SLC2A13: variants seen among roughly 807,000 people sequenced by gnomAD.
SLC2A13 encodes the protein proton myo-inositol cotransporter.
In SLC2A13, 32 loss-of-function variants were observed where a neutral mutation model predicts 64.4. The observed-to-expected ratio is 0.50, with a 90% confidence interval of 0.37 to 0.67. SLC2A13 has a LOEUF of 0.67. SLC2A13 is among the 30% of genes least tolerant of loss of function. The pLI is 0.00. For synonymous variants in SLC2A13, 338 were observed against 327.1 expected, an observed-to-expected ratio of 1.03 and a Z score of -0.36; for missense variants, 743 against 829.2, an observed-to-expected ratio of 0.90 and a Z score of 1.28.
chr12:40,027,416 A>G (rs1947832082), intron 3 of SLC2A13, among the ~76,000 whole-genome samples: 1 of 152,224 alleles, frequency 6.6e-6, no homozygotes, highest in South Asian at 2.1e-4. Flanking sequence ...ACAGGTAGGT[A>G]AAGTTAAATC....
intron 2 of SLC2A13, among the ~76,000 whole-genome samples, chr12:40,044,743 G>A (rs17458156): frequency 0.07 from 10,697 of 152,120 alleles, 699 homozygotes; most frequent in East Asian, 0.38. Context: ...GACCCATCTG[G>A]CATAAAAGGT....
intron 4 of SLC2A13, among the ~76,000 whole-genome samples, chr12:39,935,716 A>T (rs1945906646): frequency 6.6e-6 from 1 of 152,182 alleles, no homozygotes; most frequent in African/African-American, 2.4e-5. Context: ...GGGAGATGAC[A>T]TGTGACCTAA....
At chr12:39,763,810 C>G (rs1444909354) in intron 9 of SLC2A13, among the ~76,000 whole-genome samples, 1 of 152,080 alleles carries the variant, frequency 6.6e-6, no homozygotes. Context: ...AAGTCTTTTC[C>G]TGACTCAGCC....
In SLC2A13 at chr12:40,048,060, T is replaced by A; in HGVS notation, c.707A>T (p.Asp236Val). The A allele has an allele frequency of 6.3e-7, 1 of 1,598,858 alleles. No homozygotes were observed. The highest frequency in any genetic ancestry group is 1.1e-5 in the South Asian group (1 of 87,192). Reference protein sequence around the residue: ...VDGAFSYLQKDGWRYMLGLAA... With the variant: ...VDGAFSYLQKVGWRYMLGLAA... Reference sequence around the variant, plus strand: ...AAAAGTATTTACAAACCTCCATCCATCCTTCTGGAGATAACTGAAGGCTCC... The same window carrying A: ...AAAAGTATTTACAAACCTCCATCCAACCTTCTGGAGATAACTGAAGGCTCC... Residue 236 changes from aspartate (D) to valine (V), a missense_variant, in exon 2 of 10, where the codon GAT (aspartate) becomes GTT (valine). Around this residue, in one of 2 missense-constraint regions of SLC2A13, gnomAD observed 448 missense variants for 447.4 expected, o/e 1.00. Coordinates refer to ENST00000280871, the MANE Select transcript of SLC2A13 (RefSeq NM_052885.4).
chr12:39,966,070 A>T (rs1946507097), intron 3 of SLC2A13, among the ~76,000 whole-genome samples: 1 of 151,666 alleles, frequency 6.6e-6, no homozygotes, highest in Non-Finnish European at 1.5e-5. Flanking sequence ...TATATGATAC[A>T]CACACATATA....
chr12:39,899,584 T>A (rs1230089067), intron 4 of SLC2A13, among the ~76,000 whole-genome samples: 1 of 152,194 alleles, frequency 6.6e-6, no homozygotes, highest in Admixed American at 6.6e-5. Context: ...GGGTGTCAAT[T>A]TTGGATCTTT....
At chr12:39,976,734 G>A (rs1292618705) in intron 3 of SLC2A13, among the ~76,000 whole-genome samples, 1 of 151,994 alleles carries the variant, frequency 6.6e-6, no homozygotes, top group Non-Finnish European at 1.5e-5. Flanking sequence ...TGTCATTTTT[G>A]TGTGTGTGGA....
chr12:40,020,498 T>C (rs1053345936), intron 3 of SLC2A13, among the ~76,000 whole-genome samples: 1 of 152,190 alleles, frequency 6.6e-6, no homozygotes, highest in Non-Finnish European at 1.5e-5. Flanking sequence ...CATGCAGAAT[T>C]GTGAGTCAAT....
intron 1 of SLC2A13, among the ~76,000 whole-genome samples, chr12:40,104,580 A>G (rs1565629291): frequency 6.6e-6 from 1 of 152,238 alleles, no homozygotes; most frequent in Non-Finnish European, 1.5e-5. Flanking sequence ...AGGAGAATGG[A>G]TAAAAAAGGA....
chr12:39,964,779 C>G (rs1350532111), intron 3 of SLC2A13, among the ~76,000 whole-genome samples: 1 of 152,068 alleles, frequency 6.6e-6, no homozygotes, highest in Non-Finnish European at 1.5e-5. Flanking sequence ...ATAAATAAAA[C>G]AAATCTCTCT....
At chr12:39,776,589 A>G (rs114903920) in intron 7 of SLC2A13, among the ~76,000 whole-genome samples, 2,143 of 152,348 alleles carry the variant, frequency 0.014, 49 homozygotes, top group African/African-American at 0.048. Flanking sequence ...CCATACTGCA[A>G]TAGAAGCCAT....
intron 2 of SLC2A13, among the ~76,000 whole-genome samples, chr12:40,036,252 T>C (rs1356437244): frequency 6.6e-6 from 1 of 152,190 alleles, no homozygotes; most frequent in Non-Finnish European, 1.5e-5. Context: ...AACATTTATG[T>C]TATTCATTGG....
chr12:39,782,348 C>T (rs946797114), intron 7 of SLC2A13, among the ~76,000 whole-genome samples: 4 of 151,966 alleles, frequency 2.6e-5, no homozygotes, highest in Admixed American at 6.6e-5. Flanking sequence ...TGGGGGCGGC[C>T]GGTCTTTTCT....
chr12:39,778,902 G>GT (rs954552559), intron 7 of SLC2A13, among the ~76,000 whole-genome samples: 1 of 152,208 alleles, frequency 6.6e-6, no homozygotes, highest in African/African-American at 2.4e-5. Context: ...GTTTCTATCA[G>GT]TTTGGGGGTT....
chr12:39,822,833 C>T (rs973237168), intron 7 of SLC2A13, among the ~76,000 whole-genome samples: 4 of 152,126 alleles, frequency 2.6e-5, no homozygotes, highest in Non-Finnish European at 4.4e-5. Context: ...TTATGAATAT[C>T]GCTACTTGGA....
rs1475530144 is a variant in SLC2A13 at position 39,755,956 on chromosome 12, C to G, written c.*4070G>C. The G allele has an allele frequency of 6.6e-6, 1 of 151,888 alleles. No homozygotes were observed. Among genetic ancestry groups the G allele is most frequent in the Non-Finnish European group, 1.5e-5 (1 of 67,794 alleles). The allele number at this position is 151,888 out of a possible 1,614,324, so 9.4% of individuals were successfully genotyped here. A position where few individuals can be genotyped will look rare whatever the true frequency, so the allele number is the denominator to read the frequency against. On this transcript the variant is annotated 3_prime_UTR_variant, in exon 10 of 10. Coordinates refer to ENST00000280871, the MANE Select transcript of SLC2A13 (RefSeq NM_052885.4). ...TTTCCTTCTCTAAAGAGACAAGATA[C>G]AAGAAAGAGTTGGTAGCAGTTAGCT...
intron 9 of SLC2A13, among the ~76,000 whole-genome samples, chr12:39,762,221 A>T: frequency 6.6e-6 from 1 of 152,094 alleles, no homozygotes; most frequent in East Asian, 1.9e-4. Context: ...TGGTCAAATC[A>T]GTCACTATCT....
At chr12:40,080,140 G>C (rs1408741027) in intron 1 of SLC2A13, among the ~76,000 whole-genome samples, 4 of 152,206 alleles carry the variant, frequency 2.6e-5, no homozygotes, top group Non-Finnish European at 5.9e-5. Flanking sequence ...GGGATTACCG[G>C]TGTGAGCCAC....
chr12:39,807,573 G>A (rs1367626075), intron 7 of SLC2A13, among the ~76,000 whole-genome samples: 1 of 152,088 alleles, frequency 6.6e-6, no homozygotes, highest in Admixed American at 6.5e-5. Flanking sequence ...ATATCAGCTA[G>A]GCTACTCATT....
Sources: allele counts gnomAD v4.1 joint callset (sites outside exome capture counted in the v4.1 genomes callset), GRCh38; gene constraint gnomAD v4.1.1; regional missense constraint gnomAD v4.1.1; transcripts MANE v1.5; gene names NCBI Gene and HGNC (gene_info 2026-07-23, HGNC 2026-07-21).